The following CLSTN2 variants were observed in gnomAD, a reference collection of about 807,000 sequenced individuals.
CLSTN2 encodes the protein calsyntenin-2.
Under a neutral mutation model 101.2 loss-of-function variants are expected in CLSTN2, and 48 were observed. The ratio of observed to expected loss-of-function variants is 0.47; its 90% CI spans 0.38 to 0.60. CLSTN2 has a LOEUF of 0.60. CLSTN2 is among the 20% of genes least tolerant of loss of function. The pLI is 0.00. For synonymous variants in CLSTN2, 481 were observed against 463.6 expected (o/e 1.04, Z -0.48); for missense variants, 1,160 against 1,238.2 (o/e 0.94, Z 0.95).
chr3:140,556,651 T>C lies in CLSTN2; in HGVS notation c.1813T>C (p.Ser605Pro). 6.2e-7 allele frequency: 1 copy of C among 1,613,838 alleles called. No homozygotes were observed. The highest frequency in any genetic ancestry group is 8.5e-7 in the Non-Finnish European group (1 of 1,179,902). The part of the protein sequence containing the change: ...TAGVRRLKVS[S>P]KVQCFGEDVC... ...GGGTGTGCGGCGCCTCAAAGTATCC[T>C]CCAAAGTCCAGTGAGTGGACGCTGG... Residue 605 changes from serine to proline, a missense_variant, in exon 11 of 17, where the codon TCC becomes CCC. Transcript: ENST00000458420.
intron 2 of CLSTN2, among the ~76,000 whole-genome samples, chr3:140,332,822 G>C (rs975184444): frequency 1.3e-5 from 2 of 152,126 alleles, no homozygotes; most frequent in African/African-American, 4.8e-5. Flanking sequence ...AGGCTGGGTG[G>C]AGGACCTCAT....
intron 1 of CLSTN2, among the ~76,000 whole-genome samples, chr3:139,998,799 C>T (rs1560065886): frequency 6.6e-6 from 1 of 152,074 alleles, no homozygotes; most frequent in South Asian, 2.1e-4. Flanking sequence ...CCTGCTCTGG[C>T]CCAGAGCAGA....
chr3:140,305,699 C>G (rs757947493), intron 2 of CLSTN2, among the ~76,000 whole-genome samples: 2 of 152,116 alleles, frequency 1.3e-5, no homozygotes, highest in Non-Finnish European at 2.9e-5. Flanking sequence ...GAGCAATGTG[C>G]AGCCATGGAA....
chr3:140,182,641 T>G (rs1181071127), intron 2 of CLSTN2, among the ~76,000 whole-genome samples: 6 of 152,176 alleles, frequency 3.9e-5, no homozygotes, highest in Non-Finnish European at 8.8e-5. Flanking sequence ...CACCCAGTCA[T>G]GAGGCTTCAG....
At chr3:140,196,500 G>A (rs1324814261) in intron 2 of CLSTN2, among the ~76,000 whole-genome samples, 1 of 152,240 alleles carries the variant, frequency 6.6e-6, no homozygotes, top group African/African-American at 2.4e-5. Context: ...GTTTCCAGGG[G>A]AGAAAGAAGT....
At chr3:140,468,085 A>G (rs895435715) in intron 8 of CLSTN2, among the ~76,000 whole-genome samples, 3 of 152,228 alleles carry the variant, frequency 2.0e-5, no homozygotes, top group African/African-American at 7.2e-5. Context: ...AATTCTAAAA[A>G]TATGGCATCT....
chr3:140,140,092 G>A (rs2009674085), intron 1 of CLSTN2, among the ~76,000 whole-genome samples: 1 of 152,166 alleles, frequency 6.6e-6, no homozygotes, highest in South Asian at 2.1e-4. Flanking sequence ...GTGTGTTTGA[G>A]GAAAGGCAGA....
intron 8 of CLSTN2, among the ~76,000 whole-genome samples, chr3:140,505,072 C>CTTTTTTTT (rs11414136): frequency 6.7e-6 from 1 of 149,940 alleles, no homozygotes; most frequent in African/African-American, 2.4e-5. Flanking sequence ...AAGAAAGTAT[C>CTTTTTTTT]TTTTTTTTTT....
intron 2 of CLSTN2, among the ~76,000 whole-genome samples, chr3:140,230,173 G>T (rs1183831980): frequency 1.3e-5 from 2 of 152,096 alleles, no homozygotes; most frequent in Admixed American, 1.3e-4. Flanking sequence ...GCAAGCAGGG[G>T]AAAGAGGCCG....
chr3:139,939,319 A>G (rs1935084621), intron 1 of CLSTN2, among the ~76,000 whole-genome samples: 1 of 152,228 alleles, frequency 6.6e-6, no homozygotes. Flanking sequence ...CCCATTTCAC[A>G]GATGAAGAAA....
At chr3:140,106,147 T>C (rs1456650131) in intron 1 of CLSTN2, among the ~76,000 whole-genome samples, 2 of 152,160 alleles carry the variant, frequency 1.3e-5, no homozygotes, top group Non-Finnish European at 2.9e-5. Flanking sequence ...TTACAAACAA[T>C]CCAACCCTGA....
At chr3:140,257,741 TAAC>T (rs1207941141) in intron 2 of CLSTN2, among the ~76,000 whole-genome samples, 12 of 152,202 alleles carry the variant, frequency 7.9e-5, no homozygotes, top group South Asian at 4.1e-4. Flanking sequence ...ATAATTTAAT[TAAC>T]AATTCTGCTG....
chr3:140,346,726 C>T (rs2087550037), intron 2 of CLSTN2, among the ~76,000 whole-genome samples: 1 of 152,188 alleles, frequency 6.6e-6, no homozygotes, highest in South Asian at 2.1e-4. Flanking sequence ...TGGCCAGTGA[C>T]TCATGCATCT....
chr3:140,425,560 G>A (rs376683960), intron 5 of CLSTN2, among the ~76,000 whole-genome samples: 45 of 152,274 alleles, frequency 3.0e-4, no homozygotes, highest in African/African-American at 8.4e-4. Flanking sequence ...CCCTTAGGGC[G>A]GAACCACACT....
At chr3:140,220,307 T>C (rs6439902) in intron 2 of CLSTN2, among the ~76,000 whole-genome samples, 102,516 of 152,072 alleles carry the variant, frequency 0.67, 34,962 homozygotes, top group East Asian at 0.92. Context: ...TATGTCAGTA[T>C]TGTGATGTAT....
chr3:140,377,026 G>GAGAGAGAA (rs2087925179), intron 2 of CLSTN2, among the ~76,000 whole-genome samples: 1 of 20,632 alleles, frequency 4.8e-5, no homozygotes, highest in African/African-American at 8.2e-5. Flanking sequence ...CATACACAGA[G>GAGAGAGAA]AGAGAGAGAG....
At chr3:140,434,307 G>T (rs1368345715) in intron 5 of CLSTN2, among the ~76,000 whole-genome samples, 1 of 152,176 alleles carries the variant, frequency 6.6e-6, no homozygotes, top group Non-Finnish European at 1.5e-5. Flanking sequence ...TACCAACTTA[G>T]GGGCTTGGAG....
At chr3:140,182,828 C>CTGGCAG (rs2010429955) in intron 2 of CLSTN2, among the ~76,000 whole-genome samples, 1 of 152,186 alleles carries the variant, frequency 6.6e-6, no homozygotes, top group Non-Finnish European at 1.5e-5. Context: ...AAGGAGTTTA[C>CTGGCAG]TGGCAGTAGC....
intron 1 of CLSTN2, among the ~76,000 whole-genome samples, chr3:140,051,178 G>T (rs148880014): frequency 2.6e-5 from 4 of 152,208 alleles, no homozygotes; most frequent in African/African-American, 9.6e-5. Context: ...TTCGCTGATC[G>T]TGTGAACAGC....
Sources: gnomAD v4.1 joint callset for allele counts (sites outside exome capture counted in the v4.1 genomes callset) on GRCh38, gnomAD v4.1.1 for gene constraint, MANE v1.5 for transcripts, NCBI Gene and HGNC (gene_info 2026-07-23, HGNC 2026-07-21) for gene names.